The following RGL1 variants were observed in gnomAD, a reference collection of about 807,000 sequenced individuals.
The protein encoded by RGL1 is ral guanine nucleotide dissociation stimulator-like 1.
RGL1 carries 24 observed loss-of-function variants against 95.2 expected under a neutral mutation model. The observed-to-expected ratio is 0.25, with a 90% CI of 0.18 to 0.35. RGL1 has a LOEUF of 0.35. Ranked by LOEUF, RGL1 falls within the 10% of genes least tolerant of loss-of-function variation. The pLI, the probability that RGL1 is intolerant of heterozygous loss-of-function variation, is 1.00. For synonymous variants in RGL1, 329 were observed against 344.9 expected (o/e 0.95, Z 0.51); for missense variants, 715 against 936.3 (o/e 0.76, Z 3.08).
At chr1:183,760,583 A>C (rs1020054648) in intron 2 of RGL1, among the ~76,000 whole-genome samples, 1 of 149,454 alleles carries the variant, frequency 6.7e-6, no homozygotes, top group East Asian at 2.0e-4. Context: ...AAAAAAAAAA[A>C]AAAAAAAAAA....
At chr1:183,708,723 T>C (rs1297662893) in intron 1 of RGL1, among the ~76,000 whole-genome samples, 2 of 152,160 alleles carry the variant, frequency 1.3e-5, no homozygotes, top group African/African-American at 2.4e-5. Context: ...GCCACGTGGA[T>C]TTTTCTCTGT....
At chr1:183,804,111 TG>T (rs1488076813), upstream of RGL1, among the ~76,000 whole-genome samples, 1 of 152,188 alleles carries the variant, frequency 6.6e-6, no homozygotes, top group Non-Finnish European at 1.5e-5. Flanking sequence ...TCAGTACACT[TG>T]ATTTGCTAAA....
chr1:183,833,778 A>T (rs1367681250), intron 2 of RGL1, among the ~76,000 whole-genome samples: 1 of 152,204 alleles, frequency 6.6e-6, no homozygotes, highest in Non-Finnish European at 1.5e-5. Context: ...TTGGTAAGTT[A>T]CCACAGCACT....
At chr1:183,793,281 C>A (rs1265819512) in intron 2 of RGL1, among the ~76,000 whole-genome samples, 1 of 152,116 alleles carries the variant, frequency 6.6e-6, no homozygotes, top group African/African-American at 2.4e-5. Context: ...GTATAAAAAT[C>A]AACTTCAAAT....
rs954130317 is a variant in RGL1 at position 183,847,182 on chromosome 1, C to T, written c.139-384C>T. 2.6e-5 allele frequency among the ~76,000 whole-genome samples: 4 copies of T among 152,168 alleles called. No individual in the cohort carries two copies. In the South Asian group the frequency reaches 8.3e-4, roughly 32 times the overall value. On this transcript the variant is annotated intron_variant, in intron 2 of 17. Coordinates refer to ENST00000360851, the MANE Select transcript of RGL1 (RefSeq NM_001297671.3). ...AGTGAGGGTAAGCTGCATGCAGTGG[C>T]TCACACCTATAATCCCAGCATTTTG...
chr1:183,812,059 T>C (rs568407318), intron 2 of RGL1, among the ~76,000 whole-genome samples: 1 of 152,342 alleles, frequency 6.6e-6, no homozygotes, highest in South Asian at 2.1e-4. Flanking sequence ...GCCCATGGTA[T>C]ATGTGTCTCT....
chr1:183,682,097 G>A (rs1028083993), intron 1 of RGL1, among the ~76,000 whole-genome samples: 2 of 151,934 alleles, frequency 1.3e-5, no homozygotes, highest in African/African-American at 4.8e-5. Context: ...TATTTATTTT[G>A]TTAATCTTTT....
At chr1:183,856,251 A>G (rs565946102) in intron 3 of RGL1, among the ~76,000 whole-genome samples, 4 of 152,014 alleles carry the variant, frequency 2.6e-5, no homozygotes, top group African/African-American at 9.7e-5. Flanking sequence ...CCTAGGCAAA[A>G]AAACCCAAAA....
chr1:183,891,931 T>C lies in RGL1; in HGVS notation c.1056-146T>C, dbSNP rs1056250771. 26 of 534,828 alleles carry C rather than the reference T, an allele frequency of 4.9e-5. No individual in the cohort carries two copies. In the African/African-American group the frequency reaches 4.9e-4, roughly 10 times the overall value. The allele number at this position is 534,828 out of a possible 1,614,324, so 33.1% of individuals were successfully genotyped here. A position where few individuals can be genotyped will look rare whatever the true frequency, so the allele number is the denominator to read the frequency against. ...AGCCATCCCGCATAAAAAAAAATCA[T>C]GGGCCTTATCTGTGCTTACAGTACC... On this transcript the variant is annotated intron_variant, in intron 8 of 17. Transcript: ENST00000360851.
At chr1:183,719,642 C>A (rs2004077) in intron 1 of RGL1, among the ~76,000 whole-genome samples, 70,877 of 152,132 alleles carry the variant, frequency 0.47, 17,297 homozygotes, top group East Asian at 0.76. Flanking sequence ...GCAGTGGCTC[C>A]TGCCTACAAT....
intron 3 of RGL1, among the ~76,000 whole-genome samples, chr1:183,851,646 A>G (rs1380917579): frequency 6.6e-6 from 1 of 152,234 alleles, no homozygotes; most frequent in Non-Finnish European, 1.5e-5. Flanking sequence ...TGTTCTGCAG[A>G]TGAAACAGGA....
At chr1:183,729,617 C>T (rs1451237849) in intron 1 of RGL1, among the ~76,000 whole-genome samples, 2 of 152,196 alleles carry the variant, frequency 1.3e-5, no homozygotes, top group African/African-American at 4.8e-5. Flanking sequence ...AGCAATTCTA[C>T]TCTTAGGTGT....
intron 2 of RGL1, among the ~76,000 whole-genome samples, chr1:183,779,225 T>C (rs918190116): frequency 8.6e-4 from 107 of 123,746 alleles, no homozygotes; most frequent in African/African-American, 3.0e-3. Flanking sequence ...CCTTCCTTCC[T>C]TCCCTCCCTC....
At chr1:183,764,927 C>T (rs991550811) in intron 2 of RGL1, among the ~76,000 whole-genome samples, 6 of 152,196 alleles carry the variant, frequency 3.9e-5, no homozygotes, top group African/African-American at 1.2e-4. Context: ...CATATAGGCT[C>T]TTCTACATTG....
chr1:183,852,567 A>G (rs1664888642), intron 3 of RGL1, among the ~76,000 whole-genome samples: 1 of 152,132 alleles, frequency 6.6e-6, no homozygotes, highest in Non-Finnish European at 1.5e-5. Context: ...TAATCCCAGC[A>G]CTTTGGGAGG....
chr1:183,689,452 T>A (rs1653812554), intron 1 of RGL1, among the ~76,000 whole-genome samples: 1 of 152,196 alleles, frequency 6.6e-6, no homozygotes, highest in Non-Finnish European at 1.5e-5. Flanking sequence ...CATACCAATT[T>A]TTTTTAGCAT....
chr1:183,663,378 C>A (rs1390997080), intron 1 of RGL1, among the ~76,000 whole-genome samples: 1 of 148,402 alleles, frequency 6.7e-6, no homozygotes, highest in Non-Finnish European at 1.5e-5. Context: ...AAAAAACAAA[C>A]AACCCCATCA....
intron 2 of RGL1, among the ~76,000 whole-genome samples, chr1:183,782,022 T>C (rs890205285): frequency 6.6e-6 from 1 of 152,238 alleles, no homozygotes; most frequent in South Asian, 2.1e-4. Flanking sequence ...GAACACCTGA[T>C]ACATAAATAA....
intron 2 of RGL1, among the ~76,000 whole-genome samples, chr1:183,799,304 T>A (rs1341503958): frequency 6.6e-6 from 1 of 152,220 alleles, no homozygotes; most frequent in Non-Finnish European, 1.5e-5. Flanking sequence ...GAGATACTGA[T>A]TTAAATTCTT....
Sources: allele counts gnomAD v4.1 joint callset (sites outside exome capture counted in the v4.1 genomes callset), GRCh38; gene constraint gnomAD v4.1.1; transcripts MANE v1.5; gene names NCBI Gene and HGNC (gene_info 2026-07-23, HGNC 2026-07-21).